The following CYP4B1 variants were observed in gnomAD, a reference collection of about 807,000 sequenced individuals.
CYP4B1 encodes the protein cytochrome P450 family 4 subfamily B member 1, also known as cytochrome P450 4B1.
Under a neutral mutation model 54.0 loss-of-function variants are expected in CYP4B1, and 45 were observed. The observed-to-expected ratio is 0.83, with a 90% CI of 0.66 to 1.07. The LOEUF (loss-of-function observed/expected upper bound fraction) is 1.07, where lower values mean the gene tolerates loss of function less well. Ranked by LOEUF, CYP4B1 falls within the 50% of genes least tolerant of loss-of-function variation. The pLI, the probability that CYP4B1 is intolerant of heterozygous loss-of-function variation, is 0.00. For synonymous variants in CYP4B1, 248 were observed against 247.5 expected, an observed-to-expected ratio of 1.00 and a Z score of -0.02; for missense variants, 656 against 655.4, an observed-to-expected ratio of 1.00 and a Z score of -0.01.
At chr1:46,811,303 A>C in intron 3 of CYP4B1, 119 bp downstream of exon 3, 4 of 1,042,032 alleles carry the variant, frequency 3.8e-6, no homozygotes, top group Non-Finnish European at 5.9e-6. Flanking sequence ...TCGGGTGCCC[A>C]TCCTAAGCTC....
Position 46,818,784 on chromosome 1 carries a change from G to T in CYP4B1, c.1509G>T (p.Leu503=). The T allele has an allele frequency of 6.2e-7, 1 of 1,614,112 alleles. No individual in the cohort carries two copies. Among genetic ancestry groups the T allele is most frequent in the Non-Finnish European group, 8.5e-7 (1 of 1,179,996 alleles). Residue 503 remains leucine, a synonymous_variant, in exon 12 of 12, where the codon CTG becomes CTT. Coordinates refer to ENST00000371923, the MANE Select transcript of CYP4B1 (RefSeq NM_001099772.2). ...CCAAGAATGGCTTTCACCTCCACCT[G>T]AAGCCACTGGGCCCTGGGTCTGGGA... is the stretch of plus-strand genomic sequence containing the variant. The part of the protein sequence containing the change: ...LRSKNGFHLH[L]KPLGPGSGK
chr1:46,817,227 C>T (rs562436350), intron 9 of CYP4B1, 46 bp downstream of exon 9: 3 of 1,609,716 alleles, frequency 1.9e-6, no homozygotes, highest in Non-Finnish European at 2.5e-6. Flanking sequence ...CCTGCATGCT[C>T]CTCTGGCACC....
At chr1:46,815,351 G>A (rs985537525) in intron 8 of CYP4B1, 87 bp downstream of exon 8, 6 of 1,266,918 alleles carry the variant, frequency 4.7e-6, no homozygotes, top group Middle Eastern at 2.7e-4. Context: ...TGGAAATCAG[G>A]TGAGGTGGCG....
intron 6 of CYP4B1, 48 bp from the exon 7 acceptor site, chr1:46,814,161 G>T (rs756632732): frequency 5.0e-6 from 8 of 1,612,186 alleles, no homozygotes; most frequent in Non-Finnish European, 5.9e-6. Flanking sequence ...TTCCCCTTTG[G>T]ACAAAAGATG....
intron 1 of CYP4B1, among the ~76,000 whole-genome samples, chr1:46,800,298 C>CTTCTTTCT (rs1178430386): frequency 0.02 from 1,721 of 87,802 alleles, 329 homozygotes; most frequent in East Asian, 0.073. Flanking sequence ...TCCTTCCTTC[C>CTTCTTTCT]TTCTTTCCTT....
At chr1:46,814,435 T>A (rs1174664607) in intron 7 of CYP4B1, 120 bp downstream of exon 7, 1 of 733,072 alleles carries the variant, frequency 1.4e-6, no homozygotes, top group Non-Finnish European at 2.3e-6. Context: ...AAATATAACC[T>A]GTTCCTCGTC....
chr1:46,812,765 G>A, intron 4 of CYP4B1, 142 bp downstream of exon 4: 1 of 952,988 alleles, frequency 1.0e-6, no homozygotes, highest in Non-Finnish European at 1.6e-6. Flanking sequence ...GCCTGCAACA[G>A]CAGTGCCAAA....
chr1:46,810,533 A>T (rs1408853735), intron 1 of CYP4B1, among the ~76,000 whole-genome samples: 2 of 152,142 alleles, frequency 1.3e-5, no homozygotes, highest in Non-Finnish European at 2.9e-5. Context: ...TGCAGTAGAG[A>T]GTTGGTGGCA....
intron 11 of CYP4B1, 105 bp from the exon 12 acceptor site, chr1:46,818,526 A>T: frequency 1.7e-6 from 2 of 1,191,254 alleles, no homozygotes; most frequent in Non-Finnish European, 2.4e-6. Flanking sequence ...TCAGCCAGTT[A>T]TTCATCCAAA....
At chr1:46,816,748 G>C (rs532000538) in intron 8 of CYP4B1, among the ~76,000 whole-genome samples, 22 of 152,162 alleles carry the variant, frequency 1.4e-4, no homozygotes, top group African/African-American at 5.1e-4. Context: ...TGGGGGTCCT[G>C]AGAGTTGCAG....
At position 46,818,040 on chromosome 1, in the gene CYP4B1, C is replaced by G. The variant is rs753657629; in HGVS notation, c.1272+11C>G. On this transcript the variant is annotated intron_variant, in intron 10 of 11. Transcript: ENST00000371923. Reference sequence around the variant, plus strand: ...TGGCCCGACCCTGAGGTACCCTTTCCCTGGGCTGGGAGATCAGACAGGGTG... The same window carrying G: ...TGGCCCGACCCTGAGGTACCCTTTCGCTGGGCTGGGAGATCAGACAGGGTG... 1 of 1,613,994 alleles carries G rather than the reference C, an allele frequency of 6.2e-7. No individual in the cohort carries two copies. Among genetic ancestry groups the G allele is most frequent in the South Asian group, 1.1e-5 (1 of 91,084 alleles).
chr1:46,803,854 G>GT, intron 1 of CYP4B1, among the ~76,000 whole-genome samples: 1 of 152,308 alleles, frequency 6.6e-6, no homozygotes, highest in Non-Finnish European at 1.5e-5. Context: ...TTCCTGGCTA[G>GT]TTTTTGGGTG....
intron 1 of CYP4B1, among the ~76,000 whole-genome samples, chr1:46,808,731 A>G (rs2148401768): frequency 6.6e-6 from 1 of 151,776 alleles, no homozygotes; most frequent in South Asian, 2.1e-4. Context: ...AAGGTCCAAC[A>G]ATGATAGACT....
intron 9 of CYP4B1, chr1:46,817,455 C>A (rs938530936): frequency 7.1e-5 from 36 of 506,754 alleles, no homozygotes; most frequent in Admixed American, 2.0e-4. Context: ...TGCCATGTAC[C>A]ACCATGCAGG....
intron 4 of CYP4B1, 56 bp downstream of exon 4, chr1:46,812,679 CCA>C: frequency 6.3e-7 from 1 of 1,585,180 alleles, no homozygotes; most frequent in South Asian, 1.1e-5. Context: ...TAGCCCCTCT[CCA>C]CCCTGATTTT....
rs377260959 is a variant in CYP4B1 at position 46,799,274 on chromosome 1, C to T, written c.180+13C>T. 34 of 1,571,064 alleles carry T rather than the reference C, an allele frequency of 2.2e-5. No individual in the cohort carries two copies. The Admixed American group carries it at 2.3e-4, about 10-fold the overall frequency. On this transcript the variant is annotated intron_variant, in intron 1 of 11. Coordinates refer to ENST00000371923, the MANE Select transcript of CYP4B1 (RefSeq NM_001099772.2). ...ACATGCCCTCGAGGTATGTGGAGGT[C>T]GGGAGGGTGGGGGAGAAAGAAAACA...
intron 4 of CYP4B1, among the ~76,000 whole-genome samples, chr1:46,813,089 C>T (rs923944440): frequency 2.0e-5 from 3 of 152,206 alleles, no homozygotes; most frequent in African/African-American, 7.2e-5. Flanking sequence ...AGTCTTAGGG[C>T]TGGGTAATCC....
At chr1:46,816,763 G>T (rs1679348879) in intron 8 of CYP4B1, among the ~76,000 whole-genome samples, 2 of 152,158 alleles carry the variant, frequency 1.3e-5, no homozygotes, top group Non-Finnish European at 2.9e-5. Context: ...TTGCAGAAGT[G>T]ACCTTGTCTT....
chr1:46,816,954 G>A lies in CYP4B1; in HGVS notation c.1074-94G>A, dbSNP rs45468297. ...TGCCTCTGACTCTTGAGTGTGTGGT[G>A]GTGGTGAGGGAGGAAAACTGGGGCT... On this transcript the variant is annotated intron_variant, in intron 8 of 11. Transcript: ENST00000371923. The A allele has an allele frequency of 0.015, 21,351 of 1,421,968 alleles. 1,509 individuals carry two copies. The African/African-American group carries it at 0.19, about 13-fold the overall frequency. 88.1% of individuals were successfully genotyped at this position (1,421,968 alleles called of 1,614,324 possible). A position where few individuals can be genotyped will look rare whatever the true frequency, so the allele number is the denominator to read the frequency against.
Sources: allele counts gnomAD v4.1 joint callset (sites outside exome capture counted in the v4.1 genomes callset), GRCh38; gene constraint gnomAD v4.1.1; transcripts MANE v1.5; gene names NCBI Gene and HGNC (gene_info 2026-07-23, HGNC 2026-07-21).